Variants in PTPRD observed in about 807,000 individuals in gnomAD.
The protein encoded by PTPRD is receptor-type tyrosine-protein phosphatase delta.
In PTPRD, 34 loss-of-function variants were observed where a neutral mutation model predicts 214.5. That is an observed-to-expected ratio of 0.16 (90% CI 0.12 to 0.21). The LOEUF is 0.21. Ranked by LOEUF, PTPRD falls within the 10% of genes least tolerant of loss-of-function variation. The probability of loss-of-function intolerance (pLI) is 1.00; values close to 1 mark genes in which losing one functional copy is unlikely to be tolerated. For synonymous variants in PTPRD, 1,128 were observed against 845.7 expected (o/e 1.33, Z -5.79); for missense variants, 2,545 against 2,398.7 (o/e 1.06, Z -1.27).
chr9:8,347,091 G>GT (rs1564146181), intron 39 of PTPRD, among the ~76,000 whole-genome samples: 6 of 128,046 alleles, frequency 4.7e-5, no homozygotes, highest in African/African-American at 1.7e-4. Context: ...CCTGCGGATA[G>GT]AGGGGGACTA....
chr9:8,991,497 T>A (rs2099366564), intron 11 of PTPRD, among the ~76,000 whole-genome samples: 2 of 152,148 alleles, frequency 1.3e-5, no homozygotes, highest in Admixed American at 6.6e-5. Flanking sequence ...ATTGAGGACT[T>A]GTTTAGCACC....
chr9:8,957,198 T>C (rs1401012730), intron 11 of PTPRD, among the ~76,000 whole-genome samples: 1 of 151,808 alleles, frequency 6.6e-6, no homozygotes, highest in African/African-American at 2.4e-5. Flanking sequence ...CATATAACTT[T>C]CACGTAACTT....
chr9:9,576,470 G>A (rs1237905195), intron 7 of PTPRD, among the ~76,000 whole-genome samples: 2 of 149,898 alleles, frequency 1.3e-5, no homozygotes, highest in Non-Finnish European at 3.0e-5. Flanking sequence ...GATGATTTCA[G>A]GAGATCTATT....
At chr9:8,998,853 G>C (rs1238866039) in intron 11 of PTPRD, among the ~76,000 whole-genome samples, 2 of 152,048 alleles carry the variant, frequency 1.3e-5, no homozygotes, top group Non-Finnish European at 2.9e-5. Context: ...TTTGGAAGAA[G>C]TTGATTCCAA....
intron 2 of PTPRD, among the ~76,000 whole-genome samples, chr9:10,344,325 C>G (rs10809072): frequency 0.13 from 19,085 of 151,824 alleles, 1,558 homozygotes; most frequent in Admixed American, 0.25. Flanking sequence ...GTTTGTCATA[C>G]ATCAGATGGT....
intron 9 of PTPRD, among the ~76,000 whole-genome samples, chr9:9,234,666 CA>C: frequency 6.6e-6 from 1 of 152,256 alleles, no homozygotes; most frequent in East Asian, 1.9e-4. Context: ...TTCAAAGTTC[CA>C]CAGATGTAAA....
rs183680885 is a variant in PTPRD at position 9,813,260 on chromosome 9, A to G, written c.-367-46409T>C. ...AGAAACTAGAAAAAGAACAAACTAA[A>G]TAAACCCAGAATTAGCAGAAAGAAA... On this transcript the variant is annotated intron_variant, in intron 5 of 45. Coordinates refer to ENST00000381196, the MANE Select transcript of PTPRD (RefSeq NM_002839.4). Among the ~76,000 whole-genome samples, 5 of 152,160 alleles carry G rather than the reference A, an allele frequency of 3.3e-5. No individual in the cohort carries two copies. In the East Asian group the frequency reaches 9.6e-4, roughly 29 times the overall value.
intron 5 of PTPRD, among the ~76,000 whole-genome samples, chr9:9,793,922 A>G (rs1444528176): frequency 1.3e-5 from 2 of 152,064 alleles, no homozygotes; most frequent in Admixed American, 6.6e-5. Context: ...TCAACCCACT[A>G]CTTCCTAAAA....
chr9:8,616,102 G>A lies in PTPRD; in HGVS notation c.352+17215C>T, dbSNP rs184072586. ...GCTAATCACTTTTAAAGTCATACAA[G>A]TGAATTGTTGATCTACTATTGACAC... On this transcript the variant is annotated intron_variant, in intron 14 of 45. Coordinates refer to ENST00000381196, the MANE Select transcript of PTPRD (RefSeq NM_002839.4). Among the ~76,000 whole-genome samples the A allele has an allele frequency of 4.3e-4, 65 of 152,218 alleles. 2 individuals carry two copies. The highest frequency in any genetic ancestry group is 4.1e-3 in the Admixed American group (62 of 15,278).
chr9:9,595,523 TAC>T (rs2093263500), intron 7 of PTPRD, among the ~76,000 whole-genome samples: 1 of 143,324 alleles, frequency 7.0e-6, no homozygotes, highest in African/African-American at 2.6e-5. Context: ...CATACATATA[TAC>T]ACACGTATGC....
At chr9:9,348,674 T>C (rs1469847340) in intron 9 of PTPRD, among the ~76,000 whole-genome samples, 3 of 152,106 alleles carry the variant, frequency 2.0e-5, no homozygotes, top group African/African-American at 4.8e-5. Flanking sequence ...AAGTCCAGAT[T>C]CCAGCATTTT....
intron 11 of PTPRD, among the ~76,000 whole-genome samples, chr9:8,971,545 G>A (rs1386814476): frequency 6.6e-6 from 1 of 151,648 alleles, no homozygotes; most frequent in Non-Finnish European, 1.5e-5. Flanking sequence ...TAAGTGTTTA[G>A]GATGAGGTCT....
At chr9:9,603,869 T>G (rs545551386) in intron 7 of PTPRD, among the ~76,000 whole-genome samples, 8 of 152,114 alleles carry the variant, frequency 5.3e-5, no homozygotes, top group Non-Finnish European at 1.2e-4. Context: ...TTATTTTAGT[T>G]TCAGGGGTAC....
intron 11 of PTPRD, among the ~76,000 whole-genome samples, chr9:8,969,259 T>A (rs950664085): frequency 1.3e-5 from 2 of 152,044 alleles, no homozygotes; most frequent in African/African-American, 4.8e-5. Context: ...GGTGCCCTCA[T>A]CAAATTCCTG....
At chr9:9,501,055 A>G (rs1030818377) in intron 8 of PTPRD, among the ~76,000 whole-genome samples, 3 of 152,024 alleles carry the variant, frequency 2.0e-5, no homozygotes, top group Non-Finnish European at 4.4e-5. Flanking sequence ...AAGATATTCA[A>G]TTAACAAAAC....
chr9:9,324,766 C>T (rs1352355653), intron 9 of PTPRD, among the ~76,000 whole-genome samples: 1 of 152,086 alleles, frequency 6.6e-6, no homozygotes, highest in Non-Finnish European at 1.5e-5. Flanking sequence ...AGTCCTTGCC[C>T]ATGCCTATGT....
At chr9:9,226,497 A>C (rs77072133) in intron 9 of PTPRD, among the ~76,000 whole-genome samples, 1 of 151,958 alleles carries the variant, frequency 6.6e-6, no homozygotes, top group African/African-American at 2.4e-5. Flanking sequence ...AGTGAAGGGT[A>C]TGGGCAGAAG....
At chr9:9,780,738 T>A (rs2821472) in intron 5 of PTPRD, among the ~76,000 whole-genome samples, 69,133 of 152,064 alleles carry the variant, frequency 0.45, 16,174 homozygotes, top group East Asian at 0.7. Context: ...GCATTAATAT[T>A]TAGAGCAGCC....
chr9:9,984,548 G>A (rs1358202045), intron 4 of PTPRD, among the ~76,000 whole-genome samples: 1 of 152,214 alleles, frequency 6.6e-6, no homozygotes, highest in Non-Finnish European at 1.5e-5. Flanking sequence ...GTAGGTGGGT[G>A]TATGGGTACA....
Sources: gnomAD v4.1 joint callset for allele counts (sites outside exome capture counted in the v4.1 genomes callset) on GRCh38, gnomAD v4.1.1 for gene constraint, MANE v1.5 for transcripts, NCBI Gene and HGNC (gene_info 2026-07-23, HGNC 2026-07-21) for gene names.